MAP3K5: variants seen among roughly 807,000 people sequenced by gnomAD.
The protein encoded by MAP3K5 is mitogen-activated protein kinase kinase kinase 5.
A neutral mutation model predicts 158.7 loss-of-function variants in MAP3K5; 56 were observed. That is an observed-to-expected ratio of 0.35 (90% CI 0.28 to 0.44). The LOEUF is 0.44. MAP3K5 is among the 20% of genes least tolerant of loss of function. MAP3K5 has a pLI of 1.00. For synonymous variants in MAP3K5, 579 were observed against 601.7 expected, an observed-to-expected ratio of 0.96 and a Z score of 0.55; for missense variants, 1,294 against 1,674.8, an observed-to-expected ratio of 0.77 and a Z score of 3.97.
At chr6:136,781,350 C>A (rs7742147) in intron 1 of MAP3K5, among the ~76,000 whole-genome samples, 5,008 of 152,300 alleles carry the variant, frequency 0.033, 294 homozygotes, top group African/African-American at 0.11. Flanking sequence ...ATTAAGATGT[C>A]ACTAAAATCT....
intron 1 of MAP3K5, among the ~76,000 whole-genome samples, chr6:136,729,337 A>AC (rs200381575): frequency 0.055 from 8,323 of 152,184 alleles, 744 homozygotes; most frequent in African/African-American, 0.19. Flanking sequence ...GTCAGACAAT[A>AC]CCTCGAACTC....
chr6:136,686,482 TG>T (rs1780153428), intron 7 of MAP3K5, among the ~76,000 whole-genome samples: 1 of 152,010 alleles, frequency 6.6e-6, no homozygotes, highest in African/African-American at 2.4e-5. Flanking sequence ...GAAGTCAAAT[TG>T]TCTCTGTTTG....
intron 15 of MAP3K5, among the ~76,000 whole-genome samples, chr6:136,616,105 G>T (rs1037087180): frequency 1.3e-5 from 2 of 151,964 alleles, no homozygotes; most frequent in Admixed American, 6.6e-5. Flanking sequence ...GTATTAAAAT[G>T]AGCACTTTAA....
At position 136,600,963 on chromosome 6, in the gene MAP3K5, G is replaced by A. The variant is rs530272376; in HGVS notation, c.2878+59C>T. 4.5e-5 allele frequency: 71 copies of A among 1,576,984 alleles called. 1 individual carries two copies. The South Asian group carries it at 7.2e-4, about 16-fold the overall frequency. The stretch of plus-strand genomic sequence containing the variant: ...ATGAGGCTACTTGATGGGAAGTCTG[G>A]AGTTTATCACACCAGACACCAGGTC... On this transcript the variant is annotated intron_variant, in intron 21 of 29. Transcript: ENST00000359015.
At chr6:136,665,505 C>T (rs1043160352) in intron 8 of MAP3K5, among the ~76,000 whole-genome samples, 1 of 152,062 alleles carries the variant, frequency 6.6e-6, no homozygotes. Context: ...TGCCACCACA[C>T]CGGGCTAATT....
intron 2 of MAP3K5, among the ~76,000 whole-genome samples, chr6:136,719,162 C>T (rs535398344): frequency 2.2e-4 from 33 of 152,072 alleles, no homozygotes; most frequent in African/African-American, 7.2e-4. Context: ...GGTGAGAGAG[C>T]GAGATCCTGT....
intron 7 of MAP3K5, among the ~76,000 whole-genome samples, chr6:136,691,086 T>C (rs1210315398): frequency 2.0e-5 from 3 of 152,224 alleles, no homozygotes; most frequent in Non-Finnish European, 4.4e-5. Flanking sequence ...GCTGCATTTA[T>C]GACCTTTTCT....
chr6:136,732,798 A>G (rs1782285139), intron 1 of MAP3K5, among the ~76,000 whole-genome samples: 1 of 152,186 alleles, frequency 6.6e-6, no homozygotes, highest in African/African-American at 2.4e-5. Flanking sequence ...CATCAAAAAC[A>G]CCATTTTTTG....
rs544569767 is a variant in MAP3K5, at chr6:136,644,147, G to A, written c.1789-1578C>T. 3.9e-5 allele frequency among the ~76,000 whole-genome samples: 6 copies of A among 152,318 alleles called. No individual in the cohort carries two copies. In the South Asian group the frequency reaches 1.2e-3, roughly 32 times the overall value. ...TTCTATCAGTCCTTTTCTGGGAACA[G>A]CTAAGTAAAAATTGTGGACTGGTTT... On this transcript the variant is annotated intron_variant, in intron 11 of 29. Coordinates refer to ENST00000359015, the MANE Select transcript of MAP3K5 (RefSeq NM_005923.4).
intron 2 of MAP3K5, among the ~76,000 whole-genome samples, chr6:136,707,953 T>C (rs1403478968): frequency 6.6e-6 from 1 of 151,916 alleles, no homozygotes; most frequent in Non-Finnish European, 1.5e-5. Flanking sequence ...AAAAGCAAAA[T>C]AGAGAACAGT....
intron 1 of MAP3K5, among the ~76,000 whole-genome samples, chr6:136,779,676 C>T (rs1784538618): frequency 6.6e-6 from 1 of 152,170 alleles, no homozygotes; most frequent in South Asian, 2.1e-4. Flanking sequence ...TTGGAACAGT[C>T]TAAACTACTG....
rs1031266714 is a variant in MAP3K5, at chr6:136,784,445, G to A, written c.448+7265C>T. Among the ~76,000 whole-genome samples, 5 of 152,196 alleles carry A rather than the reference G, an allele frequency of 3.3e-5. No individual in the cohort carries two copies. In the East Asian group the frequency reaches 5.8e-4, roughly 18 times the overall value. On this transcript the variant is annotated intron_variant, in intron 1 of 29. Coordinates refer to ENST00000359015, the MANE Select transcript of MAP3K5 (RefSeq NM_005923.4). The stretch of plus-strand genomic sequence containing the variant: ...GCAGCAGTGCTGTCAGTTTGTGTGC[G>A]GTGGGTGGCAGCTGCTACAATGGTG...
intron 14 of MAP3K5, among the ~76,000 whole-genome samples, chr6:136,627,591 G>C (rs1422029147): frequency 6.6e-6 from 1 of 152,146 alleles, no homozygotes; most frequent in Non-Finnish European, 1.5e-5. Flanking sequence ...TAGGTCATGA[G>C]GCTAGAGCTC....
Position 136,637,874 on chromosome 6 carries a change from G to A in MAP3K5, c.1935-468C>T, listed in dbSNP as rs368643631. Among the ~76,000 whole-genome samples the A allele has an allele frequency of 7.2e-5, 11 of 152,242 alleles. No individual in the cohort carries two copies. The East Asian group carries it at 1.7e-3, about 24-fold the overall frequency. On this transcript the variant is annotated intron_variant, in intron 13 of 29. Transcript: ENST00000359015. The stretch of plus-strand genomic sequence containing the variant: ...GCTTAAGGGAAGAGCAGGTTATGGT[G>A]TGATAAGAAAAGTTCCCCTAACACA...
upstream of MAP3K5, chr6:136,792,512 G>T: frequency 2.5e-6 from 1 of 402,066 alleles, no homozygotes; most frequent in Non-Finnish European, 3.4e-6. This position sits in a 1 kb window ranked among gnomAD's most constrained non-coding sequence, Gnocchi z 5.7. Context: ...CAAGGGCGCC[G>T]CGCTCGGGGT....
At position 136,557,530 on chromosome 6, in the gene MAP3K5, A is replaced by C. The variant is rs1035481136; in HGVS notation, c.*228T>G. 1 of 429,278 alleles carries C rather than the reference A, an allele frequency of 2.3e-6. No individual in the cohort carries two copies. The highest frequency in any genetic ancestry group is 2.0e-5 in the African/African-American group (1 of 49,170). 26.6% of individuals were successfully genotyped at this position (429,278 alleles called of 1,614,324 possible). A position where few individuals can be genotyped will look rare whatever the true frequency, so the allele number is the denominator to read the frequency against. On this transcript the variant is annotated 3_prime_UTR_variant, in exon 30 of 30. Coordinates refer to ENST00000359015, the MANE Select transcript of MAP3K5 (RefSeq NM_005923.4). The stretch of plus-strand genomic sequence containing the variant: ...CCTGAACATTAGGGTTCTAATGTTC[A>C]GGATTATTTTAAGAGTCCTTATGAA...
At position 136,583,699 on chromosome 6, in the gene MAP3K5, G is replaced by A; in HGVS notation, c.3267C>T (p.Thr1089=). The stretch of plus-strand genomic sequence containing the variant: ...CAAATTCTCTGAGGCTTGCAATGAG[G>A]GTTGTGATGTGTTCCCATTTTAGTT... The part of the protein sequence containing the change: ...EPKLKWEHIT[T]LIASLREFVR... The change falls in exon 24 of 30, where the codon ACC becomes ACT. Residue 1089 remains threonine, a synonymous_variant. Transcript: ENST00000359015. 1 of 1,614,138 alleles carries A rather than the reference G, an allele frequency of 6.2e-7. No individual in the cohort carries two copies. Among genetic ancestry groups the A allele is most frequent in the Non-Finnish European group, 8.5e-7 (1 of 1,180,016 alleles).
intron 23 of MAP3K5, among the ~76,000 whole-genome samples, chr6:136,585,700 T>C (rs1001635264): frequency 6.6e-6 from 1 of 151,922 alleles, no homozygotes; most frequent in African/African-American, 2.4e-5. Flanking sequence ...TTTCGCCATG[T>C]TGGCCAGGCT....
chr6:136,657,214 A>C (rs1778792124), intron 9 of MAP3K5, among the ~76,000 whole-genome samples: 1 of 152,236 alleles, frequency 6.6e-6, no homozygotes, highest in South Asian at 2.1e-4. Context: ...AATACCCTCA[A>C]ACCTAATAAG....
Sources: allele counts gnomAD v4.1 joint callset (sites outside exome capture counted in the v4.1 genomes callset), GRCh38; gene constraint gnomAD v4.1.1; non-coding constraint Gnocchi (gnomAD v3.1); transcripts MANE v1.5; gene names NCBI Gene and HGNC (gene_info 2026-07-23, HGNC 2026-07-21).